Variants in PRKCH observed in about 807,000 individuals in gnomAD.
PRKCH encodes protein kinase C eta type.
A neutral mutation model predicts 82.5 loss-of-function variants in PRKCH; 28 were observed. The ratio of observed to expected loss-of-function variants is 0.34; its 90% CI spans 0.25 to 0.47. The LOEUF is 0.47. PRKCH is among the 20% of genes least tolerant of loss of function. The pLI, the probability that PRKCH is intolerant of heterozygous loss-of-function variation, is 1.00. For synonymous variants in PRKCH, 322 were observed against 327.4 expected (o/e 0.98, Z 0.18); for missense variants, 705 against 881.8 (o/e 0.80, Z 2.54).
chr14:61,474,715 A>T (rs1223817132), intron 9 of PRKCH, among the ~76,000 whole-genome samples: 24 of 152,270 alleles, frequency 1.6e-4, no homozygotes, highest in Admixed American at 1.2e-3. Flanking sequence ...TTTTAAAAAA[A>T]TTTTTTAATA....
intron 4 of PRKCH, among the ~76,000 whole-genome samples, chr14:61,446,650 C>T (rs1884239326): frequency 6.6e-6 from 1 of 152,114 alleles, no homozygotes; most frequent in South Asian, 2.1e-4. Flanking sequence ...TAGGAAAAAA[C>T]AAATATATAA....
Position 61,550,486 on chromosome 14 carries a change from G to T in PRKCH, c.*655G>T, listed in dbSNP as rs2043311596. ...ATTTATTAAACTGTCCAGTGAAAAG[G>T]TGCCACAATGCCCAGTATTGTAAAC... On this transcript the variant is annotated 3_prime_UTR_variant, in exon 14 of 14. Transcript: ENST00000332981. The T allele has an allele frequency of 6.6e-6, 1 of 152,572 alleles. No homozygotes were observed. Among genetic ancestry groups the T allele is most frequent in the African/African-American group, 2.4e-5 (1 of 41,438 alleles). The allele number at this position is 152,572 out of a possible 1,614,324, so 9.5% of individuals were successfully genotyped here. A position where few individuals can be genotyped will look rare whatever the true frequency, so the allele number is the denominator to read the frequency against.
chr14:61,433,043 C>CAAAAAAAAAAAAAAAAAAAAAA (rs34477992), intron 2 of PRKCH, among the ~76,000 whole-genome samples: 4 of 110,964 alleles, frequency 3.6e-5, no homozygotes, highest in African/African-American at 1.1e-4. Flanking sequence ...CCAACCTCTT[C>CAAAAAAAAAAAAAAAAAAAAAA]AAAAAAAAAA....
intron 10 of PRKCH, among the ~76,000 whole-genome samples, chr14:61,495,898 A>G (rs1364889980): frequency 2.6e-5 from 4 of 152,262 alleles, no homozygotes; most frequent in African/African-American, 9.6e-5. Flanking sequence ...TAGGAGCAAT[A>G]TAAAATTCAG....
At chr14:61,222,081 G>A (rs990279059) in intron 1 of PRKCH, among the ~76,000 whole-genome samples, 3 of 152,134 alleles carry the variant, frequency 2.0e-5, no homozygotes, top group Admixed American at 1.3e-4. Flanking sequence ...GAGTGCTGAC[G>A]CCTGCCTTCT....
chr14:61,218,366 G>A (rs2044629827), intron 1 of PRKCH, among the ~76,000 whole-genome samples: 2 of 152,230 alleles, frequency 1.3e-5, no homozygotes, highest in South Asian at 2.1e-4. Context: ...AACAAGAAAC[G>A]GAAGCATGAC....
intron 1 of PRKCH, among the ~76,000 whole-genome samples, chr14:61,236,310 G>T (rs2044787357): frequency 6.6e-6 from 1 of 152,176 alleles, no homozygotes. Flanking sequence ...AAACCTACTG[G>T]ACTGCATTCC....
At chr14:61,195,888 A>T (rs1422150779) in intron 1 of PRKCH, among the ~76,000 whole-genome samples, 1 of 152,152 alleles carries the variant, frequency 6.6e-6, no homozygotes, top group African/African-American at 2.4e-5. Flanking sequence ...TTTAATCTTA[A>T]TTACTTCTGT....
intron 1 of PRKCH, among the ~76,000 whole-genome samples, chr14:61,245,884 T>C (rs1485755041): frequency 6.6e-6 from 1 of 152,222 alleles, no homozygotes; most frequent in South Asian, 2.1e-4. Flanking sequence ...CAACCATCAG[T>C]GAGCAGATCT....
chr14:61,299,298 G>C (rs1954012), intron 1 of PRKCH, among the ~76,000 whole-genome samples: 113,424 of 151,998 alleles, frequency 0.75, 43,471 homozygotes, highest in Non-Finnish European at 0.83. Flanking sequence ...TGCATGCTCA[G>C]TGTGTTTATT....
chr14:61,273,567 A>G (rs548206547), intron 1 of PRKCH, among the ~76,000 whole-genome samples: 20 of 152,242 alleles, frequency 1.3e-4, no homozygotes, highest in Non-Finnish European at 2.4e-4. Flanking sequence ...ACTTTTGAGC[A>G]TAAAGTAACT....
chr14:61,269,352 A>G (rs1440352599), intron 1 of PRKCH, among the ~76,000 whole-genome samples: 1 of 141,804 alleles, frequency 7.1e-6, no homozygotes. Flanking sequence ...AGGAATTTTA[A>G]TTAATTAATT....
intron 10 of PRKCH, among the ~76,000 whole-genome samples, chr14:61,513,501 A>C (rs1351227862): frequency 6.6e-6 from 1 of 152,144 alleles, no homozygotes; most frequent in Non-Finnish European, 1.5e-5. Flanking sequence ...AGAGTGAAAA[A>C]GTCAGCCCAG....
chr14:61,450,149 A>G (rs1333285700), intron 5 of PRKCH, among the ~76,000 whole-genome samples: 1 of 152,216 alleles, frequency 6.6e-6, no homozygotes, highest in Admixed American at 6.5e-5. Flanking sequence ...CTTTTCCAAG[A>G]AAGAGGCCAT....
chr14:61,542,391 C>T (rs1352271561), intron 12 of PRKCH, among the ~76,000 whole-genome samples: 3 of 149,662 alleles, frequency 2.0e-5, no homozygotes, highest in Non-Finnish European at 4.4e-5. Context: ...AAAAAGTTTT[C>T]CAAATAGGGT....
chr14:61,321,836 G>C lies in PRKCH; in HGVS notation c.-266G>C, dbSNP rs552062146. On this transcript the variant is annotated 5_prime_UTR_variant, in exon 1 of 14. Transcript: ENST00000332981. This position sits in a 1 kb window ranked among gnomAD's most constrained non-coding sequence, Gnocchi z 4.1. ...CGCGAGTCCCCGGGAGGCGCCGCGC[G>C]CTTGGAAGGGACGGTCGGGCTTCCC... 2.7e-6 allele frequency: 1 copy of C among 364,574 alleles called. No individual in the cohort carries two copies. The highest frequency in any genetic ancestry group is 2.1e-5 in the African/African-American group (1 of 47,190). The allele number at this position is 364,574 out of a possible 1,614,324, so 22.6% of individuals were successfully genotyped here.
intron 1 of PRKCH, among the ~76,000 whole-genome samples, chr14:61,269,165 T>G (rs2045129526): frequency 6.6e-6 from 1 of 152,138 alleles, no homozygotes; most frequent in South Asian, 2.1e-4. Context: ...AACTAACATA[T>G]TTGTGAAAAA....
intron 1 of PRKCH, among the ~76,000 whole-genome samples, chr14:61,223,030 T>C (rs2044667457): frequency 6.6e-6 from 1 of 152,198 alleles, no homozygotes; most frequent in Non-Finnish European, 1.5e-5. Context: ...CTCACTCTAA[T>C]TTTTGCACCA....
intron 1 of PRKCH, among the ~76,000 whole-genome samples, chr14:61,247,735 C>CAA (rs202153655): frequency 0.47 from 24,950 of 52,626 alleles, 7,792 homozygotes; most frequent in East Asian, 0.58. Flanking sequence ...GACTCCATCT[C>CAA]AAAAAAAAAA....
Sources: gnomAD v4.1 joint callset for allele counts (sites outside exome capture counted in the v4.1 genomes callset) on GRCh38, gnomAD v4.1.1 for gene constraint, Gnocchi (gnomAD v3.1) non-coding constraint, MANE v1.5 for transcripts, NCBI Gene and HGNC (gene_info 2026-07-23, HGNC 2026-07-21) for gene names.